The following TRMT61B variants were observed in gnomAD, a reference collection of about 807,000 sequenced individuals.
The protein encoded by TRMT61B is tRNA methyltransferase 61B, also known as tRNA (adenine(58)-N(1))-methyltransferase, mitochondrial.
Under a neutral mutation model 52.0 loss-of-function variants are expected in TRMT61B, and 56 were observed. The observed-to-expected ratio is 1.08, with a 90% CI of 0.87 to 1.35. TRMT61B has a LOEUF of 1.35. TRMT61B is among the 40% of genes most tolerant of loss of function. TRMT61B has a pLI of 0.00. For missense variants in TRMT61B, 650 were observed against 577.9 expected (o/e 1.12, Z -1.28); for synonymous variants, 206 against 220.0 (o/e 0.94, Z 0.56).
intron 3 of TRMT61B, among the ~76,000 whole-genome samples, chr2:28,854,818 G>A (rs1669275111): frequency 6.6e-6 from 1 of 151,170 alleles, no homozygotes; most frequent in Non-Finnish European, 1.5e-5. Flanking sequence ...CACTTGGGAG[G>A]CTGAGGAGGG....
At chr2:28,860,061 T>C (rs1669531560) in intron 3 of TRMT61B, among the ~76,000 whole-genome samples, 1 of 151,708 alleles carries the variant, frequency 6.6e-6, no homozygotes, top group South Asian at 2.1e-4. Context: ...CACCTAAGGT[T>C]AGGAGTTCGA....
chr2:28,850,656 C>A, intron 5 of TRMT61B: 1 of 403,372 alleles, frequency 2.5e-6, no homozygotes, highest in Non-Finnish European at 4.4e-6. Flanking sequence ...AAAACTTGTT[C>A]ATGGCCTAAA....
chr2:28,866,456 G>A lies in TRMT61B; in HGVS notation c.700-1337C>T, dbSNP rs550607847. ...ACCTCAGATCATCAGGCATTAGTTA[G>A]TTTCTTATAAGGAGCATGCAACCTA... On this transcript the variant is annotated intron_variant, in intron 1 of 6. Coordinates refer to ENST00000306108, the MANE Select transcript of TRMT61B (RefSeq NM_017910.4). 5.3e-5 allele frequency among the ~76,000 whole-genome samples: 8 copies of A among 152,294 alleles called. No individual in the cohort carries two copies. In the South Asian group the frequency reaches 1.7e-3, roughly 32 times the overall value.
In TRMT61B at chr2:28,861,180, C is replaced by G. The variant is rs1225499566; in HGVS notation, c.931G>C (p.Asp311His). Residue 311 changes from aspartate to histidine, a missense_variant, in exon 3 of 7, where the codon GAT (aspartate) becomes CAT (histidine). By Grantham distance (81) the Asp-to-His change is moderately conservative. Coordinates refer to ENST00000306108, the MANE Select transcript of TRMT61B (RefSeq NM_017910.4). ...CCTGAAATGTCCTTATGAATAAAAT[C>G]CACATTGTCTGGCCACTCTTCTACA... ...SHVEEWPDNV[D>H]FIHKDISGAT... 13 of 1,612,696 alleles carry G rather than the reference C, an allele frequency of 8.1e-6. No homozygotes were observed. Among genetic ancestry groups the G allele is most frequent in the Non-Finnish European group, 1.1e-5 (13 of 1,179,698 alleles).
intron 3 of TRMT61B, among the ~76,000 whole-genome samples, chr2:28,854,738 C>CAAAAAAAAA (rs57513823): frequency 1.2e-5 from 1 of 86,428 alleles, no homozygotes; most frequent in Non-Finnish European, 2.0e-5. Context: ...GACTCCGTCT[C>CAAAAAAAAA]AAAAAAAAAA....
intron 3 of TRMT61B, among the ~76,000 whole-genome samples, chr2:28,859,515 A>T (rs1034571079): frequency 1.3e-5 from 2 of 152,180 alleles, no homozygotes; most frequent in African/African-American, 2.4e-5. Context: ...TCTACTTAAC[A>T]GTTCTGTATT....
chr2:28,859,791 C>G (rs1325693387), intron 3 of TRMT61B, among the ~76,000 whole-genome samples: 1 of 152,040 alleles, frequency 6.6e-6, no homozygotes, highest in Non-Finnish European at 1.5e-5. Context: ...TTCTGATGAC[C>G]AATTTAATCT....
chr2:28,866,545 T>C (rs568900799), intron 1 of TRMT61B, among the ~76,000 whole-genome samples: 64 of 152,286 alleles, frequency 4.2e-4, no homozygotes, highest in South Asian at 1.9e-3. Context: ...CCATGGCTGA[T>C]CTGACAAGAG....
Position 28,851,194 on chromosome 2 carries a change from A to G in TRMT61B, c.1190T>C (p.Leu397Pro). The change falls in exon 5 of 7, where the codon CTT (leucine) becomes CCT (proline). Residue 397 changes from leucine (L) to proline (P), a missense_variant. By Grantham distance (98) the Leu-to-Pro change is moderately conservative. Transcript: ENST00000306108. Reference protein sequence around the residue: ...EVIVRDWLVCLAKQKNGILAQ... With the variant: ...EVIVRDWLVCPAKQKNGILAQ... ...TAAAATTCCATTTTTCTGTTTTGCA[A>G]GGCAAACCAACCAATCTCTGACAAT... 6.2e-7 allele frequency: 1 copy of G among 1,613,536 alleles called. No individual in the cohort carries two copies. Among genetic ancestry groups the G allele is most frequent in the Non-Finnish European group, 8.5e-7 (1 of 1,179,800 alleles).
At chr2:28,862,204 C>CA (rs66527180) in intron 2 of TRMT61B, among the ~76,000 whole-genome samples, 2,067 of 64,810 alleles carry the variant, frequency 0.032, 99 homozygotes, top group African/African-American at 0.1. Flanking sequence ...GACTCCGTCT[C>CA]AAAAAAAAAA....
At chr2:28,861,011 T>A in intron 3 of TRMT61B, 107 bp downstream of exon 3, 1 of 911,160 alleles carries the variant, frequency 1.1e-6, no homozygotes, top group Non-Finnish European at 1.6e-6. Flanking sequence ...TCCCTAGAGA[T>A]AGACATGAAG....
intron 1 of TRMT61B, among the ~76,000 whole-genome samples, chr2:28,866,734 A>G (rs1307421587): frequency 1.3e-5 from 2 of 152,188 alleles, no homozygotes; most frequent in African/African-American, 2.4e-5. Context: ...CAAACATATA[A>G]TTGGAATTGT....
In TRMT61B at chr2:28,865,108, C is replaced by G. The variant is rs1669776083; in HGVS notation, c.711G>C (p.Met237Ile). 1 of 1,599,308 alleles carries G rather than the reference C, an allele frequency of 6.3e-7. No homozygotes were observed. The highest frequency in any genetic ancestry group is 1.3e-5 in the African/African-American group (1 of 74,610). The change falls in exon 2 of 7, where the codon ATG (methionine) becomes ATC (isoleucine). Residue 237 changes from methionine (M) to isoleucine (I), a missense_variant. By Grantham distance (10) the Met-to-Ile change is conservative. Transcript: ENST00000306108. ...TAITFPKDINMILSMMDINPG... is the reference protein window; with the variant it reads ...TAITFPKDINIILSMMDINPG... ...GGTTGATATCCATCATTGAGAGAAT[C>G]ATATTAATATCCTATGATTGAAAAC...
chr2:28,861,986 G>A (rs1182454014), intron 2 of TRMT61B: 1 of 152,080 alleles, frequency 6.6e-6, no homozygotes, highest in Non-Finnish European at 1.5e-5. Flanking sequence ...GGCAGATCAT[G>A]AGGTCAGGTG....
chr2:28,851,192 C>G lies in TRMT61B; in HGVS notation c.1192G>C (p.Ala398Pro). ...VIVRDWLVCL[A>P]KQKNGILAQK... ...GCTAAAATTCCATTTTTCTGTTTTG[C>G]AAGGCAAACCAACCAATCTCTGACA... is the stretch of plus-strand genomic sequence containing the variant. Residue 398 changes from alanine (A) to proline (P), a missense_variant, in exon 5 of 7, where the codon GCA (alanine) becomes CCA (proline). Transcript: ENST00000306108. 1 of 1,613,282 alleles carries G rather than the reference C, an allele frequency of 6.2e-7. No individual in the cohort carries two copies. The highest frequency in any genetic ancestry group is 1.1e-5 in the South Asian group (1 of 90,910).
At chr2:28,851,902 CG>C in intron 4 of TRMT61B, among the ~76,000 whole-genome samples, 1 of 87,598 alleles carries the variant, frequency 1.1e-5, no homozygotes, top group East Asian at 3.3e-4. Context: ...AAAAAAAAAA[CG>C]AAAAAAGTTT....
At chr2:28,850,834 G>A (rs541604012) in intron 5 of TRMT61B, among the ~76,000 whole-genome samples, 1 of 152,172 alleles carries the variant, frequency 6.6e-6, no homozygotes, top group South Asian at 2.1e-4. Flanking sequence ...CACAAACCAA[G>A]CTCCTTGTGA....
chr2:28,865,283 C>T (rs1669790567), intron 1 of TRMT61B, among the ~76,000 whole-genome samples, 164 bp from the exon 2 acceptor site: 1 of 152,062 alleles, frequency 6.6e-6, no homozygotes. Flanking sequence ...AAAAGAGATC[C>T]AAGAATCAAT....
intron 3 of TRMT61B, among the ~76,000 whole-genome samples, chr2:28,854,246 A>G (rs572400804): frequency 6.6e-6 from 1 of 152,322 alleles, no homozygotes; most frequent in African/African-American, 2.4e-5. Flanking sequence ...AGGGGTAGAC[A>G]TTAAACAAAA....
Sources: allele counts gnomAD v4.1 joint callset (sites outside exome capture counted in the v4.1 genomes callset), GRCh38; gene constraint gnomAD v4.1.1; transcripts MANE v1.5; gene names NCBI Gene and HGNC (gene_info 2026-07-23, HGNC 2026-07-21).